PRAME: variants seen among roughly 807,000 people sequenced by gnomAD.
The protein encoded by PRAME is melanoma antigen preferentially expressed in tumors.
A neutral mutation model predicts 32.1 loss-of-function variants in PRAME; 21 were observed. The ratio of observed to expected loss-of-function variants is 0.65; its 90% CI spans 0.46 to 0.94. The LOEUF (loss-of-function observed/expected upper bound fraction) is 0.94, where lower values mean the gene tolerates loss of function less well. Ranked by LOEUF, PRAME falls within the 40% of genes least tolerant of loss-of-function variation. The pLI, the probability that PRAME is intolerant of heterozygous loss-of-function variation, is 0.00. For synonymous variants in PRAME, 274 were observed against 251.5 expected (o/e 1.09, Z -0.85); for missense variants, 651 against 622.3 (o/e 1.05, Z -0.49).
intron 3 of PRAME, among the ~76,000 whole-genome samples, chr22:22,553,330 A>G (rs2062712746): frequency 6.6e-6 from 1 of 152,006 alleles, no homozygotes; most frequent in Non-Finnish European, 1.5e-5. Context: ...TTGAAAGTCA[A>G]GGCTGTCCTG....
At position 22,556,863 on chromosome 22, in the gene PRAME, T is replaced by A. The variant is rs761382348; in HGVS notation, c.-31A>T. ...AGCGACTTAGGCTGGCCTCAGGACCTCCAACGCTTGGATTTCTAGGTCTCA... is the reference window on the plus strand; with the variant it reads ...AGCGACTTAGGCTGGCCTCAGGACCACCAACGCTTGGATTTCTAGGTCTCA... On this transcript the variant is annotated 5_prime_UTR_variant, in exon 3 of 6. Transcript: ENST00000405655. 6.2e-7 allele frequency: 1 copy of A among 1,612,586 alleles called. No individual in the cohort carries two copies. The highest frequency in any genetic ancestry group is 1.3e-5 in the African/African-American group (1 of 74,834).
In PRAME at chr22:22,547,950, C is replaced by T; in HGVS notation, c.*117G>A. The T allele has an allele frequency of 1.8e-6, 2 of 1,137,314 alleles. No individual in the cohort carries two copies. Among genetic ancestry groups the T allele is most frequent in the Non-Finnish European group, 2.5e-6 (2 of 794,810 alleles). 70.5% of individuals were successfully genotyped at this position (1,137,314 alleles called of 1,614,324 possible). ...TTTTTTCCTCACTGAACATGTTTTC[C>T]TCACTCACACTGAACATTTGTCTGA... On this transcript the variant is annotated 3_prime_UTR_variant, in exon 6 of 6. Coordinates refer to ENST00000405655, the MANE Select transcript of PRAME (RefSeq NM_206956.3).
chr22:22,555,872 A>G (rs1191114964), intron 3 of PRAME: 1 of 470,950 alleles, frequency 2.1e-6, no homozygotes, highest in Non-Finnish European at 4.4e-6. Flanking sequence ...GTGAGATCAA[A>G]GCCTCCTGGA....
rs376743835 is a variant in PRAME at position 22,556,616 on chromosome 22, G to A, written c.21+196C>T. Among the ~76,000 whole-genome samples, 12 of 152,006 alleles carry A rather than the reference G, an allele frequency of 7.9e-5. No homozygotes were observed. In the East Asian group the frequency reaches 2.4e-3, roughly 30 times the overall value. On this transcript the variant is annotated intron_variant, in intron 3 of 5. Coordinates refer to ENST00000405655, the MANE Select transcript of PRAME (RefSeq NM_206956.3). ...ATGAGCCACCGTGCCCGACCCTAGGGTTGACTCTCATACAAAGACAGCACG... is the reference window on the plus strand; with the variant it reads ...ATGAGCCACCGTGCCCGACCCTAGGATTGACTCTCATACAAAGACAGCACG...
Position 22,550,013 on chromosome 22 carries a change from A to AATC in PRAME, c.665_666insGAT (p.Asp222delinsGluIle), listed in dbSNP as rs1217118382. 1 of 1,613,886 alleles carries AATC rather than the reference A, an allele frequency of 6.2e-7. No homozygotes were observed. The highest frequency in any genetic ancestry group is 1.1e-5 in the South Asian group (1 of 91,066). ...GCACCATTTTCAGGATCATCTTGATATCCTGCATGGGCATTGCAAAAATCT... is the reference window on the plus strand; with the variant it reads ...GCACCATTTTCAGGATCATCTTGATAATCTCCTGCATGGGCATTGCAAAAATCT... On this transcript the variant is annotated protein_altering_variant, in exon 5 of 6. Transcript: ENST00000405655.
intron 3 of PRAME, among the ~76,000 whole-genome samples, chr22:22,556,255 G>A (rs5996147): frequency 0.098 from 14,903 of 151,712 alleles, 1,077 homozygotes; most frequent in East Asian, 0.27. Flanking sequence ...TGCCCACCTC[G>A]GCCTCCCATG....
intron 5 of PRAME, among the ~76,000 whole-genome samples, chr22:22,548,924 T>C (rs2062400783): frequency 6.6e-6 from 1 of 151,834 alleles, no homozygotes; most frequent in South Asian, 2.1e-4. Flanking sequence ...GAGCATGAAT[T>C]GAATTGAGAG....
Position 22,547,755 on chromosome 22 carries a change from G to C in PRAME, c.*312C>G, listed in dbSNP as rs555394884. 1 of 406,266 alleles carries C rather than the reference G, an allele frequency of 2.5e-6. No individual in the cohort carries two copies. The highest frequency in any genetic ancestry group is 4.4e-6 in the Non-Finnish European group (1 of 227,924). The allele number at this position is 406,266 out of a possible 1,614,324, so 25.2% of individuals were successfully genotyped here. A position where few individuals can be genotyped will look rare whatever the true frequency, so the allele number is the denominator to read the frequency against. ...CAGTTTCTTTACAACAGTCTACACA[G>C]GGATTAACTCCTACATGTACTTCCC... On this transcript the variant is annotated 3_prime_UTR_variant, in exon 6 of 6. Transcript: ENST00000405655.
intron 5 of PRAME, among the ~76,000 whole-genome samples, chr22:22,549,107 G>A (rs1321097976): frequency 6.6e-6 from 1 of 151,870 alleles, no homozygotes; most frequent in Non-Finnish European, 1.5e-5. Flanking sequence ...GGACAAACTG[G>A]GGCAAGGTCA....
chr22:22,559,093 C>T lies in PRAME; in HGVS notation c.-236G>A. ...TCCACAGAAATCCACGCATTCACGC[C>T]CCTCCCCTCCCCCGAGCCTGCAGAG... On this transcript the variant is annotated 5_prime_UTR_variant, in exon 1 of 6. Transcript: ENST00000405655. 1.0e-5 allele frequency: 2 copies of T among 196,838 alleles called. No homozygotes were observed. The highest frequency in any genetic ancestry group is 1.6e-4 in the South Asian group (2 of 12,398). 12.2% of individuals were successfully genotyped at this position (196,838 alleles called of 1,614,324 possible).
rs370378548 is a variant in PRAME, at chr22:22,550,975, C to T, written c.136G>A (p.Glu46Lys). ...KDEALAIAAL[E>K]LLPRELFPPL... ...GGGAAGAGCTCCCTGGGCAGCAACT[C>T]CAGGGCGGCAATGGCCAGGGCCTCA... is the stretch of plus-strand genomic sequence containing the variant. The change falls in exon 4 of 6, where the codon GAG becomes AAG. Residue 46 changes from glutamate to lysine, a missense_variant. Physicochemically the swap from Glu to Lys is moderately conservative, Grantham distance 56 (BLOSUM62 1). Coordinates refer to ENST00000405655, the MANE Select transcript of PRAME (RefSeq NM_206956.3). 42 of 1,613,404 alleles carry T rather than the reference C, an allele frequency of 2.6e-5. No individual in the cohort carries two copies. The highest frequency in any genetic ancestry group is 3.5e-5 in the Non-Finnish European group (41 of 1,179,910).
At chr22:22,555,856 G>A (rs1216440924) in intron 3 of PRAME, 2 of 470,586 alleles carry the variant, frequency 4.3e-6, no homozygotes, top group African/African-American at 2.0e-5. Context: ...CCAAGCCCAT[G>A]GGGCAGTGAG....
rs773983606 is a variant in PRAME, at chr22:22,556,862, C to T, written c.-30G>A. The T allele has an allele frequency of 3.7e-6, 6 of 1,612,650 alleles. No homozygotes were observed. The highest frequency in any genetic ancestry group is 5.1e-6 in the Non-Finnish European group (6 of 1,179,836). ...AAGCGACTTAGGCTGGCCTCAGGAC[C>T]TCCAACGCTTGGATTTCTAGGTCTC... On this transcript the variant is annotated 5_prime_UTR_variant, in exon 3 of 6. Transcript: ENST00000405655.
In PRAME at chr22:22,548,410, A is replaced by T. The variant is rs756825848; in HGVS notation, c.1187T>A (p.Leu396His). The change falls in exon 6 of 6, where the codon CTT becomes CAT. Residue 396 changes from leucine (L) to histidine (H), a missense_variant. Transcript: ENST00000405655. ...DECGITDDQLLALLPSLSHCS... is the reference protein window; with the variant it reads ...DECGITDDQLHALLPSLSHCS... ...GTGGCTCAGGGAAGGCAGGAGGGCA[A>T]GGAGCTGATCATCCGTGATCCCACA... The T allele has an allele frequency of 4.3e-6, 7 of 1,613,596 alleles. No individual in the cohort carries two copies. In the South Asian group the frequency reaches 7.7e-5, roughly 18 times the overall value.
At chr22:22,555,993 A>T (rs1254903856) in intron 3 of PRAME, 4 of 334,196 alleles carry the variant, frequency 1.2e-5, no homozygotes, top group Non-Finnish European at 1.9e-5. Context: ...ATGCATTAAG[A>T]TTTTTTTTTT....
intron 3 of PRAME, chr22:22,554,132 T>C (rs2062764284): frequency 2.0e-6 from 2 of 985,006 alleles, no homozygotes; most frequent in Non-Finnish European, 2.4e-6. Context: ...CATTTAAGGA[T>C]CTGCTTAGGG....
intron 3 of PRAME, chr22:22,553,907 A>C (rs566961991): frequency 4.1e-6 from 4 of 985,102 alleles, no homozygotes; most frequent in East Asian, 1.1e-4. Flanking sequence ...CCACAAACAT[A>C]ATCTCCAATG....
chr22:22,553,140 C>T (rs1373732375), intron 3 of PRAME, among the ~76,000 whole-genome samples: 1 of 151,836 alleles, frequency 6.6e-6, no homozygotes, highest in Non-Finnish European at 1.5e-5. Flanking sequence ...ATCAAAATTA[C>T]CCAAATAGTC....
chr22:22,550,970 C>G lies in PRAME; in HGVS notation c.141G>C (p.Leu47Phe), dbSNP rs61730835. The G allele has an allele frequency of 2.2e-3, 3,610 of 1,613,458 alleles. 67 individuals carry two copies. The African/African-American group carries it at 0.038, about 17-fold the overall frequency. Residue 47 changes from leucine to phenylalanine, a missense_variant, in exon 4 of 6, where the codon TTG (leucine) becomes TTC (phenylalanine). Transcript: ENST00000405655. ...GTGGCGGGAAGAGCTCCCTGGGCAG[C>G]AACTCCAGGGCGGCAATGGCCAGGG... ...DEALAIAALE[L>F]LPRELFPPLF... is the part of the protein sequence containing the mutation.
Sources: allele counts gnomAD v4.1 joint callset (sites outside exome capture counted in the v4.1 genomes callset), GRCh38; gene constraint gnomAD v4.1.1; transcripts MANE v1.5; gene names NCBI Gene and HGNC (gene_info 2026-07-23, HGNC 2026-07-21).